RNF38: variants seen among roughly 807,000 people sequenced by gnomAD.
The protein encoded by RNF38 is E3 ubiquitin-protein ligase RNF38.
Under a neutral mutation model 67.2 loss-of-function variants are expected in RNF38, and 15 were observed. That is an observed-to-expected ratio of 0.22 (90% CI 0.15 to 0.34). The LOEUF (loss-of-function observed/expected upper bound fraction) is 0.34, where lower values mean the gene tolerates loss of function less well. RNF38 is among the 10% of genes least tolerant of loss of function. The pLI, the probability that RNF38 is intolerant of heterozygous loss-of-function variation, is 1.00. For missense variants in RNF38, 524 were observed against 639.9 expected (o/e 0.82, Z 1.95); for synonymous variants, 220 against 218.8 (o/e 1.01, Z -0.05).
chr9:36,362,335 G>T (rs1372661312), intron 4 of RNF38, among the ~76,000 whole-genome samples: 2 of 151,858 alleles, frequency 1.3e-5, no homozygotes, highest in Non-Finnish European at 2.9e-5. Flanking sequence ...TCCAGCCTAG[G>T]CAACAAGAGC....
At chr9:36,392,175 T>A (rs1837164670) in intron 1 of RNF38, among the ~76,000 whole-genome samples, 1 of 152,218 alleles carries the variant, frequency 6.6e-6, no homozygotes, top group South Asian at 2.1e-4. Context: ...CTTTTTATAG[T>A]ATTTTGTTTC....
At chr9:36,399,843 TAAC>T (rs1454855800) in intron 1 of RNF38, among the ~76,000 whole-genome samples, 1 of 152,152 alleles carries the variant, frequency 6.6e-6, no homozygotes, top group Non-Finnish European at 1.5e-5. Flanking sequence ...TTTTCAAGTA[TAAC>T]AACACTCGCA....
intron 1 of RNF38, among the ~76,000 whole-genome samples, chr9:36,461,115 T>C (rs1445421182): frequency 6.6e-6 from 1 of 151,854 alleles, no homozygotes; most frequent in Non-Finnish European, 1.5e-5. Context: ...CTTGGGAGGC[T>C]GAGGCAGGAG....
chr9:36,475,459 G>T (rs1840101096), intron 1 of RNF38, among the ~76,000 whole-genome samples: 3 of 151,462 alleles, frequency 2.0e-5, no homozygotes, highest in Admixed American at 2.0e-4. Flanking sequence ...CTGGGTTCAA[G>T]CAATTCTCCT....
intron 3 of RNF38, 103 bp from the exon 4 acceptor site, chr9:36,370,035 CTTCA>C (rs1196452559): frequency 1.1e-6 from 1 of 913,268 alleles, no homozygotes; most frequent in East Asian, 2.7e-5. Flanking sequence ...CTAAGGTAAG[CTTCA>C]TTATTAAATA....
At chr9:36,415,048 C>G (rs1838425474) in intron 2 of RNF38, among the ~76,000 whole-genome samples, 1 of 152,142 alleles carries the variant, frequency 6.6e-6, no homozygotes, top group Non-Finnish European at 1.5e-5. Context: ...CAATGCATTT[C>G]CCAGGAGTTA....
intron 2 of RNF38, among the ~76,000 whole-genome samples, chr9:36,413,815 T>C (rs1317263166): frequency 6.6e-6 from 1 of 152,236 alleles, no homozygotes; most frequent in African/African-American, 2.4e-5. Flanking sequence ...TCCATCTTGA[T>C]GACTTGTCTA....
Position 36,362,627 on chromosome 9 carries a change from T to C in RNF38, c.571-4685A>G, listed in dbSNP as rs191244962. Among the ~76,000 whole-genome samples, 820 of 152,010 alleles carry C rather than the reference T, an allele frequency of 5.4e-3. 5 individuals carry two copies. The highest frequency in any genetic ancestry group is 0.034 in the Middle Eastern group (10 of 294). The stretch of plus-strand genomic sequence containing the variant: ...TCTTTGATCCCAGTTATCAAAGGAA[T>C]CACTATCCTGATTTTTCTGGTAACC... On this transcript the variant is annotated intron_variant, in intron 4 of 11. Transcript: ENST00000259605.
chr9:36,344,685 A>T (rs1262501259), intron 10 of RNF38, 147 bp downstream of exon 10: 1 of 678,754 alleles, frequency 1.5e-6, no homozygotes, highest in African/African-American at 1.8e-5. Flanking sequence ...AAGATAACTT[A>T]TCTTTATCAA....
At chr9:36,384,735 T>C (rs780862458) in intron 2 of RNF38, among the ~76,000 whole-genome samples, 1 of 152,284 alleles carries the variant, frequency 6.6e-6, no homozygotes, top group South Asian at 2.1e-4. Flanking sequence ...TAATGACTTA[T>C]TACTTGCTAT....
intron 1 of RNF38, among the ~76,000 whole-genome samples, chr9:36,477,488 C>T (rs1480403652): frequency 6.6e-6 from 1 of 151,922 alleles, no homozygotes; most frequent in Non-Finnish European, 1.5e-5. Context: ...CCAGCCTAGG[C>T]AACATTGTGA....
At chr9:36,383,062 A>G (rs1836326502) in intron 2 of RNF38, among the ~76,000 whole-genome samples, 1 of 152,242 alleles carries the variant, frequency 6.6e-6, no homozygotes, top group Non-Finnish European at 1.5e-5. Flanking sequence ...GAAGATGGAT[A>G]TAAGCTGGGG....
chr9:36,486,674 C>A (rs1840419437), intron 1 of RNF38, among the ~76,000 whole-genome samples: 1 of 152,126 alleles, frequency 6.6e-6, no homozygotes, highest in East Asian at 1.9e-4. Flanking sequence ...TTCCGAAGCT[C>A]TGCCCCACTC....
chr9:36,400,154 T>C lies in RNF38; in HGVS notation c.-46A>G, dbSNP rs1837897194. 1.9e-6 allele frequency: 3 copies of C among 1,607,316 alleles called. No individual in the cohort carries two copies. The South Asian group carries it at 3.3e-5, about 18-fold the overall frequency. On this transcript the variant is annotated 5_prime_UTR_variant, in exon 1 of 12. Coordinates refer to ENST00000259605, the MANE Select transcript of RNF38 (RefSeq NM_022781.5). The stretch of plus-strand genomic sequence containing the variant: ...TATTTCTTTTTGGACCTCAATAACC[T>C]GAAACACTCCCGTTTCAAAAACCAA...
chr9:36,484,691 G>A (rs1290042253), intron 1 of RNF38, among the ~76,000 whole-genome samples: 3 of 151,802 alleles, frequency 2.0e-5, no homozygotes, highest in Non-Finnish European at 4.4e-5. Flanking sequence ...ACCACATATG[G>A]GCATAGCCAC....
intron 1 of RNF38, among the ~76,000 whole-genome samples, chr9:36,480,267 C>T (rs1840219756): frequency 6.6e-6 from 1 of 152,140 alleles, no homozygotes; most frequent in South Asian, 2.1e-4. Context: ...ACGTGAGCCA[C>T]TGCGACTGGC....
intron 2 of RNF38, among the ~76,000 whole-genome samples, chr9:36,413,296 A>G (rs1018855589): frequency 6.6e-6 from 1 of 151,896 alleles, no homozygotes; most frequent in Admixed American, 6.6e-5. Context: ...TCACCATGTG[A>G]TATCGCCTCC....
chr9:36,418,437 G>A (rs1325068196), intron 2 of RNF38, among the ~76,000 whole-genome samples: 1 of 152,018 alleles, frequency 6.6e-6, no homozygotes, highest in African/African-American at 2.4e-5. Flanking sequence ...TGGATCACTT[G>A]AGGACAGGAG....
intron 2 of RNF38, among the ~76,000 whole-genome samples, chr9:36,387,891 C>CA (rs201044322): frequency 5.4e-4 from 81 of 150,620 alleles, no homozygotes; most frequent in Middle Eastern, 3.4e-3. Context: ...CAAAACAAAA[C>CA]AAAAAAAACA....
Sources: gnomAD v4.1 joint callset for allele counts (sites outside exome capture counted in the v4.1 genomes callset) on GRCh38, gnomAD v4.1.1 for gene constraint, MANE v1.5 for transcripts, NCBI Gene and HGNC (gene_info 2026-07-23, HGNC 2026-07-21) for gene names.